GRIA4: variants seen among roughly 807,000 people sequenced by gnomAD.
GRIA4 encodes glutamate receptor 4.
GRIA4 carries 34 observed loss-of-function variants against 104.0 expected under a neutral mutation model. The observed-to-expected ratio is 0.33, with a 90% confidence interval of 0.25 to 0.44. The LOEUF (loss-of-function observed/expected upper bound fraction) is 0.44. Ranked by LOEUF, GRIA4 falls within the 20% of genes least tolerant of loss-of-function variation. The pLI, the probability that GRIA4 is intolerant of heterozygous loss-of-function variation, is 1.00. For synonymous variants in GRIA4, 386 were observed against 381.9 expected, an observed-to-expected ratio of 1.01 and a Z score of -0.13; for missense variants, 750 against 1,096.5, an observed-to-expected ratio of 0.68 and a Z score of 4.46.
intron 5 of GRIA4, among the ~76,000 whole-genome samples, chr11:105,868,245 G>A (rs748659225): frequency 2.0e-5 from 3 of 152,066 alleles, no homozygotes; most frequent in East Asian, 1.9e-4. Flanking sequence ...AAGACAGAAC[G>A]AACTGTAAAG....
At chr11:105,746,930 G>C (rs1463454157) in intron 3 of GRIA4, among the ~76,000 whole-genome samples, 1 of 152,018 alleles carries the variant, frequency 6.6e-6, no homozygotes, top group Non-Finnish European at 1.5e-5. Flanking sequence ...ATTCGTAAAG[G>C]CTACAGCATC....
intron 4 of GRIA4, among the ~76,000 whole-genome samples, chr11:105,823,970 A>G (rs1228475919): frequency 1.3e-5 from 2 of 152,112 alleles, no homozygotes; most frequent in Non-Finnish European, 2.9e-5. Flanking sequence ...ATACAGAGAC[A>G]CCAGTGGTGC....
rs985572845 is a variant in GRIA4 at position 105,918,270 on chromosome 11, A to G, written c.1270-442A>G. ...TTTTCTTAAAGGAAGTCACAGTTGA[A>G]TGTGGCTAAATAAGATGCAGAATAT... On this transcript the variant is annotated intron_variant, in intron 10 of 16. Transcript: ENST00000282499. Among the ~76,000 whole-genome samples, 3 of 152,140 alleles carry G rather than the reference A, an allele frequency of 2.0e-5. No homozygotes were observed. In the East Asian group the frequency reaches 5.8e-4, roughly 29 times the overall value.
Position 105,981,169 on chromosome 11 carries a change from TTAAAC to T in GRIA4, c.*1434_*1438del, listed in dbSNP as rs1859235498. ...TTATAAAAATCACCTTATGTATGAA[TTAAAC>T]TAACATGGTTCAAAAGAAGGTTTGG... On this transcript the variant is annotated 3_prime_UTR_variant, in exon 17 of 17. Transcript: ENST00000282499. 1 of 152,658 alleles carries T rather than the reference TTAAAC, an allele frequency of 6.6e-6. No individual in the cohort carries two copies. Among genetic ancestry groups the T allele is most frequent in the South Asian group, 2.1e-4 (1 of 4,838 alleles). 9.5% of individuals were successfully genotyped at this position (152,658 alleles called of 1,614,324 possible).
intron 3 of GRIA4, among the ~76,000 whole-genome samples, chr11:105,657,853 T>C (rs1384797832): frequency 2.0e-5 from 3 of 151,926 alleles, no homozygotes; most frequent in Non-Finnish European, 4.4e-5. Context: ...TTAGTACAGA[T>C]GGAATGTATT....
At chr11:105,979,544 G>A (rs1859169253) in intron 16 of GRIA4, 31 bp from the exon 17 acceptor site, 8 of 1,604,718 alleles carry the variant, frequency 5.0e-6, no homozygotes, top group Admixed American at 1.7e-5. Context: ...AACACTCCGC[G>A]TTCTTTCTGC....
chr11:105,672,961 A>G (rs1300025012), intron 3 of GRIA4, among the ~76,000 whole-genome samples: 2 of 152,110 alleles, frequency 1.3e-5, no homozygotes, highest in Non-Finnish European at 2.9e-5. Context: ...ATTTCCTGAT[A>G]GCCAAATTGA....
intron 5 of GRIA4, among the ~76,000 whole-genome samples, chr11:105,875,483 G>A (rs533065079): frequency 1.3e-5 from 2 of 152,166 alleles, no homozygotes; most frequent in Non-Finnish European, 2.9e-5. Flanking sequence ...TGTTTCAGAA[G>A]GAATGGTACC....
At chr11:105,832,590 A>G (rs1383839080) in intron 4 of GRIA4, among the ~76,000 whole-genome samples, 1 of 151,854 alleles carries the variant, frequency 6.6e-6, no homozygotes, top group East Asian at 1.9e-4. Flanking sequence ...ATTATTCCAG[A>G]GTGGAACTGT....
chr11:105,873,513 A>G (rs1223579556), intron 5 of GRIA4, among the ~76,000 whole-genome samples: 1 of 152,130 alleles, frequency 6.6e-6, no homozygotes. Context: ...GTCTTCCACA[A>G]TGGTTGAACT....
At chr11:105,767,808 A>G (rs1420665030) in intron 4 of GRIA4, among the ~76,000 whole-genome samples, 2 of 152,172 alleles carry the variant, frequency 1.3e-5, no homozygotes, top group Non-Finnish European at 2.9e-5. Flanking sequence ...TAAAAACCTC[A>G]TCCAACTTCA....
At chr11:105,901,173 T>C (rs908147070) in intron 7 of GRIA4, among the ~76,000 whole-genome samples, 2 of 152,152 alleles carry the variant, frequency 1.3e-5, no homozygotes, top group African/African-American at 4.8e-5. Context: ...AGCTCTCAGA[T>C]ATGATATGAA....
chr11:105,680,148 T>C (rs1350960682), intron 3 of GRIA4, among the ~76,000 whole-genome samples: 2 of 152,100 alleles, frequency 1.3e-5, no homozygotes, highest in Non-Finnish European at 2.9e-5. Flanking sequence ...GAATCATTGC[T>C]ATGTCACCTG....
intron 4 of GRIA4, among the ~76,000 whole-genome samples, chr11:105,776,809 TG>T (rs1284268627): frequency 6.6e-6 from 1 of 152,192 alleles, no homozygotes; most frequent in Non-Finnish European, 1.5e-5. Flanking sequence ...TTTACTGAAA[TG>T]CTTGGGGTCA....
At chr11:105,637,963 A>G (rs10895847) in intron 3 of GRIA4, among the ~76,000 whole-genome samples, 97,945 of 151,990 alleles carry the variant, frequency 0.64, 32,632 homozygotes, top group Non-Finnish European at 0.75. Flanking sequence ...TTATTTTTAA[A>G]TTGACAAATA....
intron 3 of GRIA4, among the ~76,000 whole-genome samples, chr11:105,619,231 T>C (rs1400288935): frequency 3.9e-5 from 6 of 151,958 alleles, no homozygotes. Context: ...AGTGGGCAAG[T>C]TACGTAACAC....
chr11:105,715,822 A>G (rs576420182), intron 3 of GRIA4, among the ~76,000 whole-genome samples: 1 of 152,248 alleles, frequency 6.6e-6, no homozygotes, highest in Middle Eastern at 3.4e-3. Context: ...CCATCCTTTA[A>G]AGCATCCATG....
intron 3 of GRIA4, among the ~76,000 whole-genome samples, chr11:105,717,556 A>T (rs1954136024): frequency 6.6e-6 from 1 of 152,062 alleles, no homozygotes; most frequent in African/African-American, 2.4e-5. Context: ...GAAGGGAGGA[A>T]TAGTCATTCC....
intron 5 of GRIA4, among the ~76,000 whole-genome samples, chr11:105,886,022 T>C (rs1268706905): frequency 6.6e-6 from 1 of 152,138 alleles, no homozygotes; most frequent in Non-Finnish European, 1.5e-5. Flanking sequence ...AATTAAAAAG[T>C]AAAAATCTAA....
Sources: allele counts gnomAD v4.1 joint callset (sites outside exome capture counted in the v4.1 genomes callset), GRCh38; gene constraint gnomAD v4.1.1; transcripts MANE v1.5; gene names NCBI Gene and HGNC (gene_info 2026-07-23, HGNC 2026-07-21).